The following LRRTM4 variants were observed in gnomAD, a reference collection of about 807,000 sequenced individuals.
LRRTM4 encodes leucine-rich repeat transmembrane neuronal protein 4.
A neutral mutation model predicts 47.6 loss-of-function variants in LRRTM4; 25 were observed. The ratio of observed to expected loss-of-function variants is 0.53; its 90% CI spans 0.38 to 0.73. The LOEUF is 0.73. Among genes scored for constraint, LRRTM4 ranks in the 30% least tolerant of loss-of-function variants. The pLI, the probability that LRRTM4 is intolerant of heterozygous loss-of-function variation, is 0.00. For synonymous variants in LRRTM4, 311 were observed against 269.5 expected (o/e 1.15, Z -1.51); for missense variants, 638 against 713.4 (o/e 0.89, Z 1.20).
intron 3 of LRRTM4, among the ~76,000 whole-genome samples, chr2:77,386,717 C>T (rs1054281767): frequency 2.6e-5 from 4 of 152,068 alleles, no homozygotes; most frequent in East Asian, 1.9e-4. Flanking sequence ...TGTTCTCACT[C>T]GTAAGTGGGA....
intron 3 of LRRTM4, among the ~76,000 whole-genome samples, chr2:77,435,024 ATTGT>A (rs2103914081): frequency 6.6e-6 from 1 of 151,964 alleles, no homozygotes; most frequent in South Asian, 2.1e-4. Flanking sequence ...TTTGTTCTCA[ATTGT>A]TTGTCCTATG....
At chr2:77,427,767 G>A (rs1388394232) in intron 3 of LRRTM4, among the ~76,000 whole-genome samples, 1 of 152,200 alleles carries the variant, frequency 6.6e-6, no homozygotes, top group East Asian at 1.9e-4. Flanking sequence ...AGGCTCCACT[G>A]AAGAGTTAAA....
intron 3 of LRRTM4, among the ~76,000 whole-genome samples, chr2:77,034,399 T>C (rs1343505749): frequency 6.6e-6 from 1 of 151,954 alleles, no homozygotes; most frequent in African/African-American, 2.4e-5. Context: ...CTTCTACGTT[T>C]TTCTAGTTTT....
At chr2:77,124,136 G>GA (rs944933542) in intron 3 of LRRTM4, among the ~76,000 whole-genome samples, 24 of 151,928 alleles carry the variant, frequency 1.6e-4, no homozygotes, top group Admixed American at 3.9e-4. Flanking sequence ...ATTAGAAAAG[G>GA]AAAAAAATTT....
At chr2:77,363,886 A>G (rs1184189237) in intron 3 of LRRTM4, among the ~76,000 whole-genome samples, 1 of 152,146 alleles carries the variant, frequency 6.6e-6, no homozygotes, top group Non-Finnish European at 1.5e-5. Flanking sequence ...AATGAAAAGA[A>G]AAATCTTTAA....
intron 3 of LRRTM4, among the ~76,000 whole-genome samples, chr2:77,050,918 A>G: frequency 6.6e-6 from 1 of 152,206 alleles, no homozygotes; most frequent in East Asian, 1.9e-4. Flanking sequence ...TCAGTCATAT[A>G]CTCTCTAAGT....
At chr2:76,963,305 A>C (rs1005172090) in intron 3 of LRRTM4, among the ~76,000 whole-genome samples, 24 of 150,856 alleles carry the variant, frequency 1.6e-4, no homozygotes, top group African/African-American at 5.8e-4. Context: ...TTCTTAAGTA[A>C]ATGGCGATTC....
At chr2:77,233,301 T>G (rs1038501133) in intron 3 of LRRTM4, among the ~76,000 whole-genome samples, 12 of 152,204 alleles carry the variant, frequency 7.9e-5, no homozygotes, top group African/African-American at 2.2e-4. Flanking sequence ...GCTGGGAGAC[T>G]GGTTTTACAG....
chr2:77,350,332 C>CAAAAAA lies in LRRTM4; in HGVS notation c.1551+167980_1551+167985dup, dbSNP rs61365229. On this transcript the variant is annotated intron_variant, in intron 3 of 3. Transcript: ENST00000409884. ...TGGGCGACAGAGCAAGACTCCGTCTCAAAAAAAAAAAAAAAAAAAAAAAAA... is the reference window on the plus strand; with the variant it reads ...TGGGCGACAGAGCAAGACTCCGTCTCAAAAAAAAAAAAAAAAAAAAAAAAAAAAAAA... 6.9e-3 allele frequency among the ~76,000 whole-genome samples: 270 copies of CAAAAAA among 39,258 alleles called. 1 individual carries two copies. Among genetic ancestry groups the CAAAAAA allele is most frequent in the Middle Eastern group, 0.067 (2 of 30 alleles). 25.8% of individuals were successfully genotyped at this position (39,258 alleles called of 152,430 possible). A position where few individuals can be genotyped will look rare whatever the true frequency, so the allele number is the denominator to read the frequency against.
intron 3 of LRRTM4, among the ~76,000 whole-genome samples, chr2:77,378,357 T>G (rs766852026): frequency 1.8e-4 from 27 of 152,114 alleles, no homozygotes; most frequent in Non-Finnish European, 2.9e-4. Context: ...TTTTCTATCT[T>G]TTTCTATTAT....
intron 3 of LRRTM4, among the ~76,000 whole-genome samples, chr2:77,434,245 G>GGA (rs1675500724): frequency 2.1e-5 from 3 of 144,426 alleles, no homozygotes; most frequent in African/African-American, 7.7e-5. Context: ...CCCAGATTGG[G>GGA]AAAAAAAAAA....
In LRRTM4 at chr2:77,199,234, T is replaced by G. The variant is rs146377619; in HGVS notation, c.1551+319084A>C. ...TAAAAAAGAAAAAGGAACCAACTCT[T>G]ACTATGCACCAGGTAATCAAGTTTT... On this transcript the variant is annotated intron_variant, in intron 3 of 3. Coordinates refer to ENST00000409884, the MANE Select transcript of LRRTM4 (RefSeq NM_001134745.3). Among the ~76,000 whole-genome samples, 22 of 152,306 alleles carry G rather than the reference T, an allele frequency of 1.4e-4. No homozygotes were observed. The East Asian group carries it at 4.2e-3, about 29-fold the overall frequency.
intron 3 of LRRTM4, among the ~76,000 whole-genome samples, chr2:76,903,624 T>C (rs1044385738): frequency 1.3e-5 from 2 of 152,176 alleles, no homozygotes; most frequent in Non-Finnish European, 2.9e-5. Flanking sequence ...ATGGTGTTTG[T>C]TGGTGATATT....
intron 3 of LRRTM4, among the ~76,000 whole-genome samples, chr2:77,379,083 A>T (rs1672948859): frequency 6.6e-6 from 1 of 152,092 alleles, no homozygotes; most frequent in Non-Finnish European, 1.5e-5. Context: ...GTTCTGTTTC[A>T]ATGATTGTAC....
At chr2:76,993,790 A>C (rs1677096974) in intron 3 of LRRTM4, among the ~76,000 whole-genome samples, 1 of 151,940 alleles carries the variant, frequency 6.6e-6, no homozygotes, top group South Asian at 2.1e-4. Context: ...TTCTACCAAA[A>C]AGACACACGC....
intron 3 of LRRTM4, among the ~76,000 whole-genome samples, chr2:77,203,793 T>G (rs1674046569): frequency 6.6e-6 from 1 of 152,168 alleles, no homozygotes. Flanking sequence ...GTCAAGAAAC[T>G]TTTTGTTCAA....
At chr2:77,161,140 G>A (rs78895241) in intron 3 of LRRTM4, among the ~76,000 whole-genome samples, 5,025 of 152,156 alleles carry the variant, frequency 0.033, 133 homozygotes, top group African/African-American at 0.077. Flanking sequence ...ATAGTTAAAC[G>A]ATAACCCAGC....
chr2:77,316,020 C>T (rs1269532049), intron 3 of LRRTM4, among the ~76,000 whole-genome samples: 2 of 152,264 alleles, frequency 1.3e-5, no homozygotes, highest in African/African-American at 4.8e-5. Flanking sequence ...CTCACTGGAA[C>T]AGGGAATCTA....
At chr2:77,494,790 G>T (rs1022057493) in intron 3 of LRRTM4, among the ~76,000 whole-genome samples, 6 of 151,920 alleles carry the variant, frequency 3.9e-5, no homozygotes, top group African/African-American at 1.2e-4. Flanking sequence ...CCCCTCTTCA[G>T]TCCTCCTGCA....
Sources: allele counts gnomAD v4.1 joint callset (sites outside exome capture counted in the v4.1 genomes callset), GRCh38; gene constraint gnomAD v4.1.1; transcripts MANE v1.5; gene names NCBI Gene and HGNC (gene_info 2026-07-23, HGNC 2026-07-21).